The following AMMECR1 variants were observed in gnomAD, a reference collection of about 807,000 sequenced individuals.
The protein encoded by AMMECR1 is AMMECR nuclear protein 1, also known as nuclear protein AMMECR1.
AMMECR1 carries 3 observed loss-of-function variants against 22.5 expected under a neutral mutation model. The ratio of observed to expected loss-of-function variants is 0.13; its 90% confidence interval spans 0.06 to 0.35. The LOEUF (loss-of-function observed/expected upper bound fraction) is 0.35. Among genes scored for constraint, AMMECR1 ranks in the 10% least tolerant of loss-of-function variants. The probability of loss-of-function intolerance (pLI) is 1.00; values close to 1 mark genes in which losing one functional copy is unlikely to be tolerated. For missense variants in AMMECR1, 235 were observed against 278.7 expected, an observed-to-expected ratio of 0.84 and a Z score of 1.12; for synonymous variants, 130 against 116.7, an observed-to-expected ratio of 1.11 and a Z score of -0.74.
intron 2 of AMMECR1, among the ~76,000 whole-genome samples, chrX:110,394,870 C>T (rs1487874060): frequency 8.9e-6 from 1 of 112,856 alleles, no homozygotes; most frequent in Non-Finnish European, 1.9e-5. Context: ...CTCTATATGT[C>T]CAGTCAGCAT....
Position 110,198,109 on chromosome X carries a change from T to C in AMMECR1, c.*411A>G, listed in dbSNP as rs1349803804. 2 of 112,741 alleles carry C rather than the reference T, an allele frequency of 1.8e-5. No homozygotes were observed. Among genetic ancestry groups the C allele is most frequent in the Non-Finnish European group, 3.7e-5 (2 of 54,544 alleles). 9.3% of individuals were successfully genotyped at this position (112,741 alleles called of 1,213,427 possible). ...AATCCCTAAAAACTGCACACTTTCT[T>C]CCATCCACAGTCAAAGGAAGGGAGG... On this transcript the variant is annotated 3_prime_UTR_variant, in exon 6 of 6. Coordinates refer to ENST00000262844, the MANE Select transcript of AMMECR1 (RefSeq NM_015365.3).
chrX:110,334,842 A>G (rs1294833334), intron 2 of AMMECR1, among the ~76,000 whole-genome samples: 2 of 111,988 alleles, frequency 1.8e-5, no homozygotes, highest in Admixed American at 9.5e-5. Context: ...AGACCTTGGC[A>G]CATTTCTGCC....
intron 2 of AMMECR1, among the ~76,000 whole-genome samples, chrX:110,220,607 C>A (rs749045233): frequency 2.3e-4 from 26 of 111,371 alleles, no homozygotes; most frequent in Non-Finnish European, 4.0e-4. Flanking sequence ...AAAAACAAAA[C>A]AAAACACTTA....
chrX:110,386,571 T>C (rs1231763029), intron 2 of AMMECR1, among the ~76,000 whole-genome samples: 1 of 111,944 alleles, frequency 8.9e-6, no homozygotes, highest in Non-Finnish European at 1.9e-5. Flanking sequence ...TTCTTATATA[T>C]TCTGCATGCA....
chrX:110,310,125 A>C (rs2068017065), intron 1 of AMMECR1, among the ~76,000 whole-genome samples: 1 of 112,537 alleles, frequency 8.9e-6, no homozygotes, highest in African/African-American at 3.2e-5. Context: ...GGCCAACTAA[A>C]ACATCACAAT....
chrX:110,431,632 T>C (rs2148331713), intron 1 of AMMECR1, among the ~76,000 whole-genome samples: 1 of 111,611 alleles, frequency 9.0e-6, no homozygotes, highest in East Asian at 2.8e-4. Context: ...CTTGGTATCC[T>C]GGTGTGAAGA....
intron 2 of AMMECR1, among the ~76,000 whole-genome samples, chrX:110,341,875 C>A (rs2068165723): frequency 9.0e-6 from 1 of 111,220 alleles, no homozygotes; most frequent in Admixed American, 9.5e-5. Flanking sequence ...CCAGCCTAGG[C>A]CACATGGTGA....
At chrX:110,376,684 G>T (rs1213537286) in intron 2 of AMMECR1, among the ~76,000 whole-genome samples, 2 of 112,234 alleles carry the variant, frequency 1.8e-5, no homozygotes, top group Non-Finnish European at 3.8e-5. Flanking sequence ...ACAGATGTGG[G>T]TTCAAATCCT....
At chrX:110,414,519 C>G (rs1181932453) in intron 2 of AMMECR1, among the ~76,000 whole-genome samples, 1 of 113,071 alleles carries the variant, frequency 8.8e-6, no homozygotes, top group Non-Finnish European at 1.9e-5. Context: ...CTGCCAGCAG[C>G]CCTGCAAGGG....
chrX:110,408,546 T>C (rs73636963), intron 2 of AMMECR1, among the ~76,000 whole-genome samples: 12,149 of 112,017 alleles, frequency 0.11, 1,611 homozygotes, highest in African/African-American at 0.37. Context: ...TACCTAAGCA[T>C]AAAGGGTTTT....
At chrX:110,429,569 G>C (rs1056552672) in intron 1 of AMMECR1, among the ~76,000 whole-genome samples, 5 of 105,497 alleles carry the variant, frequency 4.7e-5, no homozygotes, top group African/African-American at 1.8e-4. Context: ...TGCAACCTCC[G>C]CCTCCTGGGT....
intron 2 of AMMECR1, among the ~76,000 whole-genome samples, chrX:110,345,362 A>C: frequency 9.2e-6 from 1 of 108,865 alleles, no homozygotes; most frequent in East Asian, 2.8e-4. Flanking sequence ...GGGGGAGGGG[A>C]GAGGGATAGC....
chrX:110,396,569 C>T (rs371113227), intron 2 of AMMECR1, among the ~76,000 whole-genome samples: 1 of 112,123 alleles, frequency 8.9e-6, no homozygotes, highest in South Asian at 3.7e-4. Context: ...TCTTGCACCT[C>T]CTCAGAGCTG....
intron 2 of AMMECR1, among the ~76,000 whole-genome samples, chrX:110,351,542 A>C: frequency 8.9e-6 from 1 of 112,090 alleles, no homozygotes; most frequent in East Asian, 2.8e-4. Context: ...CTTCACATGC[A>C]AAAGAATGAG....
In AMMECR1 at chrX:110,264,562, T is replaced by C. The variant is rs2067758024; in HGVS notation, c.511A>G (p.Arg171Gly). 2 of 1,204,609 alleles carry C rather than the reference T, an allele frequency of 1.7e-6. No individual in the cohort carries two copies. Among genetic ancestry groups the C allele is most frequent in the Non-Finnish European group, 2.2e-6 (2 of 891,808 alleles). Residue 171 changes from arginine (R) to glycine (G), a missense_variant, in exon 2 of 6, where the codon AGA becomes GGA. Physicochemically the swap from Arg to Gly is moderately radical, Grantham distance 125. Transcript: ENST00000262844. ...FVTWKIGRDK[R>G]LRGCIGTFSA... ...AAAGTACCTATGCATCCACGTAATCTTTTGTCTCGACCAATCTTCCATGTT... is the reference window on the plus strand; with the variant it reads ...AAAGTACCTATGCATCCACGTAATCCTTTGTCTCGACCAATCTTCCATGTT...
chrX:110,215,727 A>G (rs1368009185), intron 3 of AMMECR1, among the ~76,000 whole-genome samples: 2 of 111,810 alleles, frequency 1.8e-5, no homozygotes, highest in Non-Finnish European at 3.8e-5. Flanking sequence ...GTGGGAACCA[A>G]ATCTTACCAC....
chrX:110,364,926 A>T (rs1318572215), intron 2 of AMMECR1, among the ~76,000 whole-genome samples: 1 of 112,197 alleles, frequency 8.9e-6, no homozygotes. Flanking sequence ...TCCCTGCATC[A>T]GGTCACAAGG....
intron 3 of AMMECR1, among the ~76,000 whole-genome samples, chrX:110,205,617 C>T (rs1005209320): frequency 1.8e-5 from 2 of 111,626 alleles, no homozygotes; most frequent in African/African-American, 3.3e-5. Flanking sequence ...CTAATCCTGC[C>T]ACTGTTTGAA....
chrX:110,313,899 A>G (rs950584116), intron 1 of AMMECR1, among the ~76,000 whole-genome samples: 2 of 111,657 alleles, frequency 1.8e-5, no homozygotes, highest in Non-Finnish European at 3.8e-5. Flanking sequence ...CCATTCCATT[A>G]CAGTCGCTCA....
Sources: gnomAD v4.1 joint callset for allele counts (sites outside exome capture counted in the v4.1 genomes callset) on GRCh38, gnomAD v4.1.1 for gene constraint, MANE v1.5 for transcripts, NCBI Gene and HGNC (gene_info 2026-07-23, HGNC 2026-07-21) for gene names.